FANCI: variants seen among roughly 807,000 people sequenced by gnomAD.
FANCI encodes Fanconi anemia group I protein.
A neutral mutation model predicts 176.1 loss-of-function variants in FANCI; 156 were observed. That is an observed-to-expected ratio of 0.89 (90% CI 0.78 to 1.01). FANCI has a LOEUF of 1.01. Ranked by LOEUF, FANCI falls within the 50% of genes least tolerant of loss-of-function variation. The probability of loss-of-function intolerance (pLI) is 0.00; values close to 1 mark genes in which losing one functional copy is unlikely to be tolerated. For missense variants in FANCI, 1,678 were observed against 1,534.1 expected, an observed-to-expected ratio of 1.09 and a Z score of -1.57; for synonymous variants, 613 against 541.7, an observed-to-expected ratio of 1.13 and a Z score of -1.83.
intron 24 of FANCI, among the ~76,000 whole-genome samples, chr15:89,297,421 G>A (rs1185374473): frequency 6.6e-6 from 1 of 151,976 alleles, no homozygotes; most frequent in African/African-American, 2.4e-5. Context: ...GCTGGGAGGT[G>A]GAGGTTGTAG....
At chr15:89,263,875 T>C (rs763127426) in intron 7 of FANCI, 28 bp from the exon 8 acceptor site, 3 of 1,613,924 alleles carry the variant, frequency 1.9e-6, no homozygotes, top group East Asian at 4.5e-5. Flanking sequence ...AGACACTGTC[T>C]ATAGCCTTTA....
intron 34 of FANCI, chr15:89,308,082 G>A: frequency 8.9e-7 from 1 of 1,126,080 alleles, no homozygotes; most frequent in Non-Finnish European, 1.1e-6. Context: ...GAAGTGGAAG[G>A]ACGTGGCTTT....
At chr15:89,260,664 T>G in intron 3 of FANCI, 49 bp from the exon 4 acceptor site, 2 of 1,607,914 alleles carry the variant, frequency 1.2e-6, no homozygotes, top group Non-Finnish European at 1.7e-6. Flanking sequence ...CCTATTTACC[T>G]GTCAATGTTG....
At chr15:89,277,642 T>A (rs960383274) in intron 13 of FANCI, among the ~76,000 whole-genome samples, 3 of 151,416 alleles carry the variant, frequency 2.0e-5, no homozygotes, top group Non-Finnish European at 4.4e-5. Flanking sequence ...AGAATCATAC[T>A]TATTGGTTCA....
At chr15:89,260,890 G>T (rs376219156) in intron 4 of FANCI, 47 bp downstream of exon 4, 10 of 1,606,244 alleles carry the variant, frequency 6.2e-6, no homozygotes, top group Admixed American at 3.3e-5. Context: ...GTTTTTGAGG[G>T]TTTGTAATTT....
In FANCI at chr15:89,274,155, A is replaced by T. The variant is rs145864790; in HGVS notation, c.976-13A>T. 3,061 of 1,526,084 alleles carry T rather than the reference A, an allele frequency of 2.0e-3. 34 individuals carry two copies. Among genetic ancestry groups the T allele is most frequent in the East Asian group, 0.014 (586 of 40,728 alleles). The allele number at this position is 1,526,084 out of a possible 1,614,324, so 94.5% of individuals were successfully genotyped here. On this transcript the variant is annotated splice_polypyrimidine_tract_variant and intron_variant, in intron 11 of 37. Transcript: ENST00000310775. ...ATTTATTTTTTCATTTATTTTTATT[A>T]ACTATACTCAAGGTGCTTGATCTTT... is the stretch of plus-strand genomic sequence containing the variant.
intron 35 of FANCI, 133 bp from the exon 36 acceptor site, chr15:89,314,479 T>TATACAA: frequency 3.2e-6 from 2 of 616,878 alleles, no homozygotes; most frequent in South Asian, 3.5e-5. Flanking sequence ...AGATTACTGG[T>TATACAA]ATACAACTGC....
intron 2 of FANCI, among the ~76,000 whole-genome samples, chr15:89,252,299 T>TAA (rs765131815): frequency 5.4e-5 from 7 of 130,102 alleles, no homozygotes; most frequent in African/African-American, 8.5e-5. Flanking sequence ...AGATTCCATC[T>TAA]AAAAAAAAAA....
chr15:89,283,637 A>G (rs1398921592), intron 17 of FANCI, among the ~76,000 whole-genome samples: 1 of 152,158 alleles, frequency 6.6e-6, no homozygotes, highest in Admixed American at 6.5e-5. Flanking sequence ...AGAATTTTGT[A>G]TGTGTTGGGT....
In FANCI at chr15:89,281,762, C is replaced by T; in HGVS notation, c.1513-3C>T. 1.2e-6 allele frequency: 2 copies of T among 1,613,762 alleles called. No individual in the cohort carries two copies. Among genetic ancestry groups the T allele is most frequent in the South Asian group, 2.2e-5 (2 of 91,070 alleles). On this transcript the variant is annotated splice_region_variant and splice_polypyrimidine_tract_variant and intron_variant, in intron 15 of 37. Coordinates refer to ENST00000310775, the MANE Select transcript of FANCI (RefSeq NM_001113378.2). ...CTGTTTTTACCCACTGATTCTTTTT[C>T]AGCCCCTTCTCAAAGTCAGCATGTC...
intron 2 of FANCI, among the ~76,000 whole-genome samples, chr15:89,250,058 C>G (rs1487757665): frequency 6.6e-6 from 1 of 152,140 alleles, no homozygotes; most frequent in African/African-American, 2.4e-5. Flanking sequence ...AAAACCGAAA[C>G]TAAAAGTCAA....
chr15:89,260,708 A>G lies in FANCI; in HGVS notation c.158-5A>G, dbSNP rs774669902. 13 of 1,613,452 alleles carry G rather than the reference A, an allele frequency of 8.1e-6. No homozygotes were observed. Among genetic ancestry groups the G allele is most frequent in the African/African-American group, 1.3e-5 (1 of 74,910 alleles). ...GTTTCTGAACCCCCTGTTTAAAACA[A>G]TAAGGTTCCCCCTGCTCTGAGGAAG... On this transcript the variant is annotated splice_region_variant and splice_polypyrimidine_tract_variant and intron_variant, in intron 3 of 37. Coordinates refer to ENST00000310775, the MANE Select transcript of FANCI (RefSeq NM_001113378.2).
Position 89,305,231 on chromosome 15 carries a change from G to C in FANCI, c.3175G>C (p.Asp1059His). Residue 1059 changes from aspartate (D) to histidine (H), a missense_variant, in exon 29 of 38, where the codon GAT becomes CAT. By Grantham distance (81) the Asp-to-His change is moderately conservative. This residue lies in a region of FANCI where 1,204 missense variants were observed against 1,077.4 expected (regional missense o/e 1.12). Transcript: ENST00000310775. ...LSQDIHGHLG[D>H]IDQDVEVEKT... Reference sequence around the variant, plus strand: ...CCAGGATATCCACGGGCATCTGGGAGATATAGACCAGGTACTATAATGAGC... The same window carrying C: ...CCAGGATATCCACGGGCATCTGGGACATATAGACCAGGTACTATAATGAGC... The C allele has an allele frequency of 6.2e-7, 1 of 1,614,230 alleles. No individual in the cohort carries two copies. The highest frequency in any genetic ancestry group is 8.5e-7 in the Non-Finnish European group (1 of 1,180,044).
At chr15:89,298,195 C>T (rs1024501239) in intron 24 of FANCI, among the ~76,000 whole-genome samples, 1 of 152,106 alleles carries the variant, frequency 6.6e-6, no homozygotes, top group African/African-American at 2.4e-5. Flanking sequence ...CTCCACAGCA[C>T]CTTCAAAATA....
At chr15:89,315,251 G>A in intron 36 of FANCI, 31 bp from the exon 37 acceptor site, 1 of 1,502,052 alleles carries the variant, frequency 6.7e-7, no homozygotes, top group Non-Finnish European at 9.3e-7. Context: ...TATGAGTAGG[G>A]AGATGTCCCA....
chr15:89,274,599 C>CTTTTTTTTTTTTTTTTTTTTT (rs1157910630), intron 12 of FANCI, among the ~76,000 whole-genome samples: 5 of 82,814 alleles, frequency 6.0e-5, no homozygotes, highest in East Asian at 3.9e-4. Flanking sequence ...TCTTTCTTTC[C>CTTTTTTTTTTTTTTTTTTTTT]TTTTTTTTTT....
chr15:89,279,686 G>C (rs978448044), intron 14 of FANCI, among the ~76,000 whole-genome samples: 13 of 151,838 alleles, frequency 8.6e-5, no homozygotes, highest in African/African-American at 3.1e-4. Flanking sequence ...CCTTTTCATT[G>C]CTCCTATTTC....
In FANCI at chr15:89,290,432, G is replaced by A; in HGVS notation, c.1890+151G>A. 1.3e-5 allele frequency: 9 copies of A among 677,952 alleles called. 1 individual carries two copies. The highest frequency in any genetic ancestry group is 2.2e-5 in the Admixed American group (1 of 46,406). 42.0% of individuals were successfully genotyped at this position (677,952 alleles called of 1,614,324 possible). A position where few individuals can be genotyped will look rare whatever the true frequency, so the allele number is the denominator to read the frequency against. ...CTGTGGGTATGTTATGCTGTTCTGG[G>A]TTGTCTTATCTCGGTCACCACTTAC... On this transcript the variant is annotated intron_variant, in intron 19 of 37. Coordinates refer to ENST00000310775, the MANE Select transcript of FANCI (RefSeq NM_001113378.2).
intron 4 of FANCI, among the ~76,000 whole-genome samples, 174 bp downstream of exon 4, chr15:89,261,017 GCA>G (rs1490026231): frequency 6.6e-6 from 1 of 152,142 alleles, no homozygotes; most frequent in Non-Finnish European, 1.5e-5. Flanking sequence ...TGTAATCCCA[GCA>G]CTTTGGGAGG....
Sources: allele counts gnomAD v4.1 joint callset (sites outside exome capture counted in the v4.1 genomes callset), GRCh38; gene constraint gnomAD v4.1.1; regional missense constraint gnomAD v4.1.1; transcripts MANE v1.5; gene names NCBI Gene and HGNC (gene_info 2026-07-23, HGNC 2026-07-21).